FA2H: variants seen among roughly 807,000 people sequenced by gnomAD.
The protein encoded by FA2H is fatty acid alpha-hydroxylase.
In FA2H, 22 loss-of-function variants were observed where a neutral mutation model predicts 44.9. The ratio of observed to expected loss-of-function variants is 0.49; its 90% CI spans 0.35 to 0.70. The LOEUF is 0.70. FA2H is among the 30% of genes least tolerant of loss of function. The pLI, the probability that FA2H is intolerant of heterozygous loss-of-function variation, is 0.01. For synonymous variants in FA2H, 243 were observed against 213.2 expected (o/e 1.14, Z -1.22); for missense variants, 501 against 504.9 (o/e 0.99, Z 0.07).
chr16:74,731,783 T>G (rs1962075877), intron 2 of FA2H, among the ~76,000 whole-genome samples: 1 of 152,236 alleles, frequency 6.6e-6, no homozygotes, highest in Non-Finnish European at 1.5e-5. Flanking sequence ...TTTTTAGCTA[T>G]GCTTTTGGTA....
chr16:74,727,850 G>A (rs1227950324), intron 2 of FA2H, among the ~76,000 whole-genome samples: 2 of 152,224 alleles, frequency 1.3e-5, no homozygotes, highest in Non-Finnish European at 1.5e-5. Flanking sequence ...TTTGTATCAG[G>A]AATGAAGTGG....
At chr16:74,749,397 G>T (rs1401217503) in intron 1 of FA2H, among the ~76,000 whole-genome samples, 2 of 146,186 alleles carry the variant, frequency 1.4e-5, no homozygotes, top group African/African-American at 2.5e-5. Context: ...GCAAGGCGAT[G>T]GGCCCTGCAG....
At chr16:74,737,054 G>C (rs1415329445) in intron 2 of FA2H, among the ~76,000 whole-genome samples, 1 of 152,178 alleles carries the variant, frequency 6.6e-6, no homozygotes, top group Non-Finnish European at 1.5e-5. Flanking sequence ...TGTGAATTCA[G>C]GGCTAACTCC....
At chr16:74,774,454 G>A in intron 1 of FA2H, 32 bp downstream of exon 1, 1 of 1,495,142 alleles carries the variant, frequency 6.7e-7, no homozygotes, top group Non-Finnish European at 8.9e-7. Flanking sequence ...CGGAGGCCTG[G>A]GTTGGGGTGG....
At chr16:74,740,175 C>A in intron 1 of FA2H, 60 bp from the exon 2 acceptor site, 1 of 1,378,024 alleles carries the variant, frequency 7.3e-7, no homozygotes, top group South Asian at 1.2e-5. Flanking sequence ...GGCAGAGCCC[C>A]GAGCTGCCCC....
In FA2H at chr16:74,733,380, G is replaced by T. The variant is rs192249983; in HGVS notation, c.364-5994C>A. On this transcript the variant is annotated intron_variant, in intron 2 of 6. Coordinates refer to ENST00000219368, the MANE Select transcript of FA2H (RefSeq NM_024306.5). ...CCCAATTTATAGATGAGGATATTGA[G>T]GCCTGAGAGGTCAAGCGGCTCTTGA... Among the ~76,000 whole-genome samples the T allele has an allele frequency of 4.1e-3, 618 of 152,244 alleles. 1 individual carries two copies. Among genetic ancestry groups the T allele is most frequent in the Non-Finnish European group, 6.9e-3 (468 of 68,020 alleles).
intron 2 of FA2H, among the ~76,000 whole-genome samples, chr16:74,738,827 C>T (rs1335258132): frequency 6.6e-6 from 1 of 152,242 alleles, no homozygotes; most frequent in African/African-American, 2.4e-5. Flanking sequence ...AACCAGGTCC[C>T]AGCTCGCCGG....
At chr16:74,756,155 C>T (rs1453948236) in intron 1 of FA2H, among the ~76,000 whole-genome samples, 1 of 152,210 alleles carries the variant, frequency 6.6e-6, no homozygotes, top group Non-Finnish European at 1.5e-5. Flanking sequence ...CTCTGCCGTC[C>T]TAGCCTTGGT....
chr16:74,748,424 TC>T (rs1253958048), intron 1 of FA2H, among the ~76,000 whole-genome samples: 1 of 152,126 alleles, frequency 6.6e-6, no homozygotes, highest in Admixed American at 6.6e-5. Flanking sequence ...CAGGAGGCAT[TC>T]CACACACGGG....
intron 1 of FA2H, among the ~76,000 whole-genome samples, chr16:74,750,679 A>T (rs531847413): frequency 6.6e-6 from 1 of 152,148 alleles, no homozygotes; most frequent in African/African-American, 2.4e-5. Context: ...GCTTAGAAAG[A>T]TTGGCTGACT....
At chr16:74,761,071 T>C (rs1262107813) in intron 1 of FA2H, among the ~76,000 whole-genome samples, 1 of 152,198 alleles carries the variant, frequency 6.6e-6, no homozygotes, top group African/African-American at 2.4e-5. Context: ...TTTACCTGTG[T>C]AACAAACCTG....
At chr16:74,765,571 TCATTC>T (rs762725448) in intron 1 of FA2H, among the ~76,000 whole-genome samples, 1 of 152,198 alleles carries the variant, frequency 6.6e-6, no homozygotes, top group Non-Finnish European at 1.5e-5. Context: ...ATTTATTCAT[TCATTC>T]ATTTTTTTGA....
At chr16:74,730,114 C>A (rs963186447) in intron 2 of FA2H, among the ~76,000 whole-genome samples, 3 of 152,318 alleles carry the variant, frequency 2.0e-5, no homozygotes, top group East Asian at 3.9e-4. Context: ...TACATGCCCC[C>A]CAGCTGCTCT....
chr16:74,740,723 G>A (rs1373955225), intron 1 of FA2H, among the ~76,000 whole-genome samples: 1 of 151,996 alleles, frequency 6.6e-6, no homozygotes, highest in East Asian at 1.9e-4. Flanking sequence ...AAGTGAGCCA[G>A]TGGAGAGACT....
In FA2H at chr16:74,748,557, T is replaced by C. The variant is rs573889193; in HGVS notation, c.271-8442A>G. 3.9e-5 allele frequency among the ~76,000 whole-genome samples: 6 copies of C among 152,206 alleles called. No individual in the cohort carries two copies. The South Asian group carries it at 1.2e-3, about 32-fold the overall frequency. ...CTGTTCCCGGGAAGGTTCCTCACAG[T>C]AGCCTCCTTTCTCCCCTCGTGGAGG... is the stretch of plus-strand genomic sequence containing the variant. On this transcript the variant is annotated intron_variant, in intron 1 of 6. Transcript: ENST00000219368.
intron 1 of FA2H, among the ~76,000 whole-genome samples, chr16:74,766,209 G>T (rs890189445): frequency 2.0e-5 from 3 of 151,976 alleles, no homozygotes; most frequent in African/African-American, 7.3e-5. Flanking sequence ...TGAGGCAGGA[G>T]AATCACTTGA....
At chr16:74,737,011 G>A (rs183012013) in intron 2 of FA2H, among the ~76,000 whole-genome samples, 3 of 152,282 alleles carry the variant, frequency 2.0e-5, no homozygotes, top group East Asian at 1.9e-4. Context: ...CATTGAAAGC[G>A]GCTGGCACAC....
At chr16:74,770,378 G>T (rs1467354459) in intron 1 of FA2H, among the ~76,000 whole-genome samples, 2 of 148,016 alleles carry the variant, frequency 1.4e-5, no homozygotes, top group Admixed American at 1.3e-4. Flanking sequence ...CAAGTTTTTT[G>T]TTTGTTTGTT....
intron 2 of FA2H, among the ~76,000 whole-genome samples, chr16:74,727,714 C>G (rs1189518708): frequency 6.6e-6 from 1 of 152,220 alleles, no homozygotes; most frequent in Non-Finnish European, 1.5e-5. Context: ...GCCACCAGCA[C>G]AGAAGATGGC....
Sources: allele counts gnomAD v4.1 joint callset (sites outside exome capture counted in the v4.1 genomes callset), GRCh38; gene constraint gnomAD v4.1.1; transcripts MANE v1.5; gene names NCBI Gene and HGNC (gene_info 2026-07-23, HGNC 2026-07-21).